Variants in MAGEA11 observed in about 807,000 individuals in gnomAD.
The protein encoded by MAGEA11 is melanoma-associated antigen 11.
MAGEA11 carries 1 observed loss-of-function variant against 8.4 expected under a neutral mutation model. That is an observed-to-expected ratio of 0.12 (90% CI 0.04 to 0.57). The LOEUF is 0.57. MAGEA11 is among the 20% of genes least tolerant of loss of function. The probability of loss-of-function intolerance (pLI) is 0.91; values close to 1 mark genes in which losing one functional copy is unlikely to be tolerated. For missense variants in MAGEA11, 209 were observed against 317.3 expected, an observed-to-expected ratio of 0.66 and a Z score of 2.59; for synonymous variants, 127 against 119.3, an observed-to-expected ratio of 1.06 and a Z score of -0.42.
At chrX:149,699,764 T>C (rs782189742) in intron 1 of MAGEA11, among the ~76,000 whole-genome samples, 8 of 111,513 alleles carry the variant, frequency 7.2e-5, no homozygotes, top group Non-Finnish European at 1.3e-4. Flanking sequence ...ACAGCTGTAG[T>C]CCTGTATTAG....
upstream of MAGEA11, among the ~76,000 whole-genome samples, chrX:149,708,251 G>A (rs782247854): frequency 6.3e-5 from 7 of 111,737 alleles, no homozygotes; most frequent in South Asian, 2.6e-3. Context: ...GTAGTTTGAG[G>A]TCTTACATTT....
chrX:149,706,245 G>A (rs782311565), intron 1 of MAGEA11, among the ~76,000 whole-genome samples: 1 of 111,768 alleles, frequency 8.9e-6, no homozygotes, highest in East Asian at 2.8e-4. Context: ...TTGACCTGAG[G>A]ATATTCTGGG....
intron 1 of MAGEA11, among the ~76,000 whole-genome samples, chrX:149,702,026 T>C (rs1438767373): frequency 1.8e-5 from 2 of 112,183 alleles, no homozygotes; most frequent in African/African-American, 6.5e-5. Context: ...TTTTATTCCA[T>C]TGCAGACAGA....
chrX:149,715,932 C>T lies in MAGEA11; in HGVS notation c.446C>T (p.Ala149Val). The change falls in exon 5 of 5, where the codon GCC becomes GTC. Residue 149 changes from alanine (A) to valine (V), a missense_variant. Ala to Val is a moderately conservative substitution (Grantham distance 64). Coordinates refer to ENST00000355220, the MANE Select transcript of MAGEA11 (RefSeq NM_005366.5). ...CTCCAAGCTGAGGAGCAGGAGGCTG[C>T]CTTCTTCTCCTCTACTCTGAATGTG... ...QALQAEEQEA[A>V]FFSSTLNVGT... The T allele has an allele frequency of 8.3e-7, 1 of 1,211,497 alleles. No homozygotes were observed. The highest frequency in any genetic ancestry group is 3.0e-5 in the East Asian group (1 of 33,818).
intron 1 of MAGEA11, among the ~76,000 whole-genome samples, chrX:149,703,336 T>C (rs984522564): frequency 2.7e-5 from 3 of 112,653 alleles, no homozygotes; most frequent in African/African-American, 9.7e-5. Context: ...AAAATAACCA[T>C]TGAGCCATCC....
chrX:149,691,656 A>G (rs782563228), intron 1 of MAGEA11, among the ~76,000 whole-genome samples: 1 of 112,082 alleles, frequency 8.9e-6, no homozygotes, highest in East Asian at 2.8e-4. Flanking sequence ...CACTCTGAAT[A>G]GAGGAAACAA....
rs782004564 is a variant in MAGEA11 at position 149,716,234 on chromosome X, G to C, written c.748G>C (p.Gly250Arg). 1.7e-6 allele frequency: 2 copies of C among 1,211,946 alleles called. No individual in the cohort carries two copies. Among genetic ancestry groups the C allele is most frequent in the Admixed American group, 4.3e-5 (2 of 46,093 alleles). ...KGLITKAEML[G>R]SVIKNYEDYF... ...GCTGATCACAAAGGCAGAAATGCTG[G>C]GGAGTGTCATCAAAAATTATGAGGA... Residue 250 changes from glycine to arginine, a missense_variant, in exon 5 of 5, where the codon GGG becomes CGG. Gly to Arg is a moderately radical substitution (Grantham distance 125). Coordinates refer to ENST00000355220, the MANE Select transcript of MAGEA11 (RefSeq NM_005366.5).
At chrX:149,696,553 C>A (rs782122582) in intron 1 of MAGEA11, among the ~76,000 whole-genome samples, 5 of 110,678 alleles carry the variant, frequency 4.5e-5, no homozygotes, top group Non-Finnish European at 7.6e-5. Context: ...AATGGGATGG[C>A]CTCCTAGGGA....
rs1557362218 is a variant in MAGEA11, at chrX:149,714,319, A to G, written c.97-162A>G. On this transcript the variant is annotated intron_variant, in intron 2 of 4. Coordinates refer to ENST00000355220, the MANE Select transcript of MAGEA11 (RefSeq NM_005366.5). Reference sequence around the variant, plus strand: ...CTGCTCATCTCAGGGGTTGGGAGTCAAGGAAGGACAGGCCCTGGCAGAAGT... The same window carrying G: ...CTGCTCATCTCAGGGGTTGGGAGTCGAGGAAGGACAGGCCCTGGCAGAAGT... 16 of 773,696 alleles carry G rather than the reference A, an allele frequency of 2.1e-5. No individual in the cohort carries two copies. In the East Asian group the frequency reaches 3.6e-4, roughly 17 times the overall value. The allele number at this position is 773,696 out of a possible 1,213,427, so 63.8% of individuals were successfully genotyped here.
At chrX:149,714,432 G>A in intron 2 of MAGEA11, 49 bp from the exon 3 acceptor site, 1 of 1,190,215 alleles carries the variant, frequency 8.4e-7, no homozygotes, top group Non-Finnish European at 1.1e-6. Flanking sequence ...CCACATGATG[G>A]GGTGATGGGA....
chrX:149,715,465 T>A (rs1476131901), intron 3 of MAGEA11, 139 bp from the exon 4 acceptor site: 3 of 465,448 alleles, frequency 6.4e-6, no homozygotes. Flanking sequence ...TGTTCACCCT[T>A]AATCTACAAA....
upstream of MAGEA11, among the ~76,000 whole-genome samples, chrX:149,688,645 TATACATATACAC>T (rs1430568775): frequency 3.0e-3 from 289 of 96,750 alleles, no homozygotes; most frequent in African/African-American, 0.011. Flanking sequence ...TGTATGTACA[TATACATATACAC>T]ATACATATAC....
Position 149,715,889 on chromosome X carries a change from C to T in MAGEA11, c.403C>T (p.Leu135=). Residue 135 remains leucine, a synonymous_variant, in exon 5 of 5, where the codon CTG becomes TTG. Coordinates refer to ENST00000355220, the MANE Select transcript of MAGEA11 (RefSeq NM_005366.5). ...TCAGGCCCAAGAAGAAGACCTGGGC[C>T]TGGTGGGTGCACAGGCTCTCCAAGC... ...GLQAQEEDLG[L]VGAQALQAEE... 8.3e-7 allele frequency: 1 copy of T among 1,211,654 alleles called. No individual in the cohort carries two copies. The highest frequency in any genetic ancestry group is 1.1e-6 in the Non-Finnish European group (1 of 895,514).
chrX:149,701,878 G>A (rs2090355400), intron 1 of MAGEA11, among the ~76,000 whole-genome samples: 1 of 111,599 alleles, frequency 9.0e-6, no homozygotes, highest in Non-Finnish European at 1.9e-5. Flanking sequence ...GATAGTTGTA[G>A]ATATGCGGCG....
chrX:149,714,708 C>G, intron 3 of MAGEA11, 132 bp downstream of exon 3: 1 of 1,037,502 alleles, frequency 9.6e-7, no homozygotes, highest in Non-Finnish European at 1.3e-6. Context: ...CTCTCTTATA[C>G]TGGGATCATT....
intron 1 of MAGEA11, among the ~76,000 whole-genome samples, chrX:149,696,506 T>G (rs1484217532): frequency 9.0e-6 from 1 of 111,083 alleles, no homozygotes; most frequent in Non-Finnish European, 1.9e-5. Context: ...GCTTATGCCC[T>G]CCACTGTGAT....
At chrX:149,699,917 T>C (rs2090344814) in intron 1 of MAGEA11, among the ~76,000 whole-genome samples, 1 of 111,842 alleles carries the variant, frequency 8.9e-6, no homozygotes, top group African/African-American at 3.3e-5. Flanking sequence ...GGTGGAAGAC[T>C]AAGGGGAAGC....
At chrX:149,699,785 C>A (rs1182167776) in intron 1 of MAGEA11, among the ~76,000 whole-genome samples, 1 of 111,458 alleles carries the variant, frequency 9.0e-6, no homozygotes. Context: ...TCCATTCTCA[C>A]ACCACTATAA....
intron 1 of MAGEA11, 66 bp from the exon 2 acceptor site, chrX:149,713,077 C>A: frequency 1.4e-6 from 1 of 696,535 alleles, no homozygotes; most frequent in Non-Finnish European, 2.2e-6. Context: ...CTGAAGGGAC[C>A]CAGCACCCCA....
Sources: allele counts gnomAD v4.1 joint callset (sites outside exome capture counted in the v4.1 genomes callset), GRCh38; gene constraint gnomAD v4.1.1; transcripts MANE v1.5; gene names NCBI Gene and HGNC (gene_info 2026-07-23, HGNC 2026-07-21).